Variants in STON2 observed in about 807,000 individuals in gnomAD.
The protein encoded by STON2 is stonin 2, also known as stonin-2.
A neutral mutation model predicts 65.7 loss-of-function variants in STON2; 29 were observed. That is an observed-to-expected ratio of 0.44 (90% CI 0.33 to 0.60). The LOEUF (loss-of-function observed/expected upper bound fraction) is 0.60, where lower values mean the gene tolerates loss of function less well. STON2 is among the 20% of genes least tolerant of loss of function. STON2 has a pLI of 0.03. For synonymous variants in STON2, 404 were observed against 414.2 expected (o/e 0.98, Z 0.30); for missense variants, 1,054 against 1,118.1 (o/e 0.94, Z 0.82).
intron 2 of STON2, among the ~76,000 whole-genome samples, chr14:81,397,144 T>A (rs1158139505): frequency 6.6e-6 from 1 of 152,198 alleles, no homozygotes; most frequent in Non-Finnish European, 1.5e-5. Context: ...TCATCAGCTG[T>A]ACAACAAAAG....
intron 5 of STON2, among the ~76,000 whole-genome samples, chr14:81,321,814 C>T (rs1896831032): frequency 6.6e-6 from 1 of 152,016 alleles, no homozygotes. Context: ...ATTCTGGGAG[C>T]AACCAACCCA....
intron 4 of STON2, among the ~76,000 whole-genome samples, chr14:81,347,567 T>C (rs567658040): frequency 6.7e-6 from 1 of 150,276 alleles, no homozygotes; most frequent in South Asian, 2.1e-4. Flanking sequence ...TCCTAACTCA[T>C]TTTATAAGGC....
At chr14:81,305,553 C>T (rs1247763846) in intron 5 of STON2, among the ~76,000 whole-genome samples, 1 of 152,148 alleles carries the variant, frequency 6.6e-6, no homozygotes, top group Non-Finnish European at 1.5e-5. Flanking sequence ...GGGTGGTCTG[C>T]TGTCTTCTTG....
chr14:81,354,952 G>A (rs573341922), intron 4 of STON2, among the ~76,000 whole-genome samples: 48 of 151,924 alleles, frequency 3.2e-4, no homozygotes, highest in African/African-American at 8.5e-4. Flanking sequence ...CCTGGGAGGC[G>A]GAAGTTGCAG....
In STON2 at chr14:81,261,964, AG is replaced by A; in HGVS notation, c.*6449del. On this transcript the variant is annotated 3_prime_UTR_variant, in exon 8 of 8. Coordinates refer to ENST00000614646, the MANE Select transcript of STON2 (RefSeq NM_001394390.1). ...AATGATAAAAAAAAAAAAAAAAAAG[AG>A]AGAGATGTGAAAAGGAAAAAGATGG... is the stretch of plus-strand genomic sequence containing the variant. 3.5e-6 allele frequency: 5 copies of A among 1,409,840 alleles called. No homozygotes were observed. Among genetic ancestry groups the A allele is most frequent in the Non-Finnish European group, 3.7e-6 (4 of 1,083,300 alleles). The allele number at this position is 1,409,840 out of a possible 1,614,324, so 87.3% of individuals were successfully genotyped here.
intron 5 of STON2, among the ~76,000 whole-genome samples, chr14:81,318,887 T>C (rs1438712046): frequency 6.6e-6 from 1 of 152,208 alleles, no homozygotes; most frequent in Non-Finnish European, 1.5e-5. Context: ...TGAAATACAT[T>C]TCCCTGCCCT....
At position 81,398,463 on chromosome 14, in the gene STON2, G is replaced by A. The variant is rs953723756; in HGVS notation, c.-81C>T. The A allele has an allele frequency of 1.8e-6, 2 of 1,102,362 alleles. No individual in the cohort carries two copies. The highest frequency in any genetic ancestry group is 2.8e-6 in the Non-Finnish European group (2 of 722,672). 68.3% of individuals were successfully genotyped at this position (1,102,362 alleles called of 1,614,324 possible). A position where few individuals can be genotyped will look rare whatever the true frequency, so the allele number is the denominator to read the frequency against. On this transcript the variant is annotated 5_prime_UTR_variant, in exon 2 of 8. Coordinates refer to ENST00000614646, the MANE Select transcript of STON2 (RefSeq NM_001394390.1). ...CTGTCTGGGGTGGGCTGGAGTAGGG[G>A]TATGGTAGTACGGTAGACTTGGGTC...
intron 4 of STON2, among the ~76,000 whole-genome samples, chr14:81,356,623 G>T (rs1402107328): frequency 1.3e-5 from 2 of 152,184 alleles, no homozygotes; most frequent in Non-Finnish European, 2.9e-5. Context: ...ATTCGGCTGT[G>T]AATCCATCTG....
intron 4 of STON2, among the ~76,000 whole-genome samples, chr14:81,351,097 C>T (rs1055475675): frequency 6.6e-6 from 1 of 151,512 alleles, no homozygotes; most frequent in African/African-American, 2.4e-5. Context: ...GAATTATGAC[C>T]GGAGGAACTA....
rs1161157573 is a variant in STON2, at chr14:81,410,278, C to CAAAA, written c.-198-11702_-198-11699dup. On this transcript the variant is annotated intron_variant, in intron 2 of 8. Transcript: ENST00000553821. ...GCATGCAGATGAATGTAACTCTAAC[C>CAAAA]AAAAAAAAAAAAAAAAAAAAAAAAA... is the stretch of plus-strand genomic sequence containing the variant. 8.1e-4 allele frequency among the ~76,000 whole-genome samples: 37 copies of CAAAA among 45,796 alleles called. 2 individuals carry two copies. Among genetic ancestry groups the CAAAA allele is most frequent in the Non-Finnish European group, 1.0e-3 (21 of 20,606 alleles). The allele number at this position is 45,796 out of a possible 152,430, so 30.0% of individuals were successfully genotyped here.
intron 4 of STON2, among the ~76,000 whole-genome samples, chr14:81,356,019 C>T (rs1898214851): frequency 1.3e-5 from 2 of 152,224 alleles, no homozygotes; most frequent in South Asian, 4.1e-4. Flanking sequence ...TGCCTAATTG[C>T]CCTGGCCAGA....
At chr14:81,335,388 T>C (rs1897333068) in intron 4 of STON2, among the ~76,000 whole-genome samples, 1 of 152,318 alleles carries the variant, frequency 6.6e-6, no homozygotes, top group Admixed American at 6.5e-5. Flanking sequence ...CAAGTATATC[T>C]TTCCCCACTC....
At chr14:81,321,738 C>A (rs1308893080) in intron 5 of STON2, among the ~76,000 whole-genome samples, 6 of 152,062 alleles carry the variant, frequency 3.9e-5, no homozygotes, top group Admixed American at 3.9e-4. Flanking sequence ...AAAAACATAC[C>A]AAACAGGCCA....
chr14:81,314,519 CG>C (rs1244198475), intron 5 of STON2, among the ~76,000 whole-genome samples: 4 of 152,200 alleles, frequency 2.6e-5, no homozygotes, highest in African/African-American at 9.7e-5. Flanking sequence ...CCTGCCAGCA[CG>C]CAAAGTGAAA....
At chr14:81,377,033 T>C (rs951942088) in intron 3 of STON2, among the ~76,000 whole-genome samples, 2 of 152,194 alleles carry the variant, frequency 1.3e-5, no homozygotes, top group Non-Finnish European at 2.9e-5. Flanking sequence ...TGTGTGTATC[T>C]AGTTCTATGC....
At chr14:81,317,461 T>C (rs1367028688) in intron 5 of STON2, among the ~76,000 whole-genome samples, 1 of 152,246 alleles carries the variant, frequency 6.6e-6, no homozygotes, top group African/African-American at 2.4e-5. Context: ...AAGTGCTTTA[T>C]TCTTCTTCTT....
intron 7 of STON2, chr14:81,269,529 T>C: frequency 2.0e-6 from 2 of 985,448 alleles, no homozygotes; most frequent in Non-Finnish European, 2.4e-6. Context: ...TCTGGATATT[T>C]ATGACGCTTG....
At position 81,318,811 on chromosome 14, in the gene STON2, A is replaced by G. The variant is rs1250871726; in HGVS notation, c.742+5206T>C. 2.0e-5 allele frequency among the ~76,000 whole-genome samples: 3 copies of G among 152,234 alleles called. No homozygotes were observed. In the East Asian group the frequency reaches 5.8e-4, roughly 29 times the overall value. On this transcript the variant is annotated intron_variant, in intron 5 of 7. Transcript: ENST00000614646. ...ACCTGTGATCACGCCACTGCACTCC[A>G]GCCTGGATGACAGAGTGAGACTCTA...
chr14:81,274,722 G>A (rs369961491), intron 6 of STON2, among the ~76,000 whole-genome samples: 6 of 151,882 alleles, frequency 4.0e-5, no homozygotes, highest in African/African-American at 1.5e-4. Flanking sequence ...GATCACCTGA[G>A]GTCAGGAGTT....
Sources: allele counts gnomAD v4.1 joint callset (sites outside exome capture counted in the v4.1 genomes callset), GRCh38; gene constraint gnomAD v4.1.1; transcripts MANE v1.5; gene names NCBI Gene and HGNC (gene_info 2026-07-23, HGNC 2026-07-21).